Variants in TEX36 observed in about 807,000 individuals in gnomAD.
The protein encoded by TEX36 is testis expressed 36, also known as testis-expressed protein 36.
A neutral mutation model predicts 13.6 loss-of-function variants in TEX36; 12 were observed. The observed-to-expected ratio is 0.88, with a 90% CI of 0.56 to 1.43. TEX36 has a LOEUF of 1.43. TEX36 is among the 40% of genes most tolerant of loss of function. The probability of loss-of-function intolerance (pLI) is 0.00; values close to 1 mark genes in which losing one functional copy is unlikely to be tolerated. For missense variants in TEX36, 224 were observed against 228.3 expected, an observed-to-expected ratio of 0.98 and a Z score of 0.12; for synonymous variants, 93 against 83.0, an observed-to-expected ratio of 1.12 and a Z score of -0.65.
intron 3 of TEX36, among the ~76,000 whole-genome samples, chr10:125,579,634 G>A (rs1845862214): frequency 6.6e-6 from 1 of 152,208 alleles, no homozygotes; most frequent in South Asian, 2.1e-4. Flanking sequence ...TGTTCGAGGA[G>A]GGTCATGATG....
intron 3 of TEX36, among the ~76,000 whole-genome samples, chr10:125,580,388 A>G (rs1277204255): frequency 6.6e-6 from 1 of 152,214 alleles, no homozygotes; most frequent in Non-Finnish European, 1.5e-5. Context: ...CTCCAACTTT[A>G]TTCATGCCTG....
chr10:125,639,516 G>A (rs1317042350), intron 3 of TEX36, among the ~76,000 whole-genome samples: 1 of 148,428 alleles, frequency 6.7e-6, no homozygotes, highest in Non-Finnish European at 1.5e-5. Context: ...AATACATAAG[G>A]TCTTTGGGCA....
At chr10:125,617,188 G>A (rs1429666206), downstream of TEX36, among the ~76,000 whole-genome samples, 30 of 149,498 alleles carry the variant, frequency 2.0e-4, no homozygotes, top group East Asian at 2.5e-3. Flanking sequence ...GTCTCTGCAC[G>A]TGAGATGGGT....
chr10:125,580,944 G>C (rs1845874735), intron 3 of TEX36, among the ~76,000 whole-genome samples: 1 of 152,282 alleles, frequency 6.6e-6, no homozygotes, highest in South Asian at 2.1e-4. Context: ...GCCTGAGATG[G>C]AGCAACCTGA....
chr10:125,644,667 T>C (rs1846740599), intron 3 of TEX36, among the ~76,000 whole-genome samples: 1 of 152,252 alleles, frequency 6.6e-6, no homozygotes, highest in South Asian at 2.1e-4. Flanking sequence ...TGACCTTCAA[T>C]GAATCTCACT....
chr10:125,593,478 G>A (rs896246572), intron 3 of TEX36, among the ~76,000 whole-genome samples: 4 of 152,032 alleles, frequency 2.6e-5, no homozygotes, highest in African/African-American at 9.7e-5. Context: ...GTCCCATTAG[G>A]GTAATAAAGT....
At chr10:125,667,618 C>G in intron 1 of TEX36, 2 of 722,852 alleles carry the variant, frequency 2.8e-6, no homozygotes, top group South Asian at 3.0e-5. Flanking sequence ...AGACCACGCC[C>G]TTGTCTACCT....
intron 3 of TEX36, among the ~76,000 whole-genome samples, chr10:125,624,328 G>A (rs297253): frequency 0.052 from 7,957 of 152,232 alleles, 290 homozygotes; most frequent in South Asian, 0.17. Flanking sequence ...GGGCAGGTGC[G>A]GCTCCACACA....
At chr10:125,605,333 C>T (rs1200038622) in intron 3 of TEX36, among the ~76,000 whole-genome samples, 1 of 152,092 alleles carries the variant, frequency 6.6e-6, no homozygotes, top group Admixed American at 6.5e-5. Context: ...CCACACGCAG[C>T]ATAGTGCAGC....
At chr10:125,633,327 A>G (rs749618628) in intron 3 of TEX36, among the ~76,000 whole-genome samples, 1 of 152,144 alleles carries the variant, frequency 6.6e-6, no homozygotes, top group Non-Finnish European at 1.5e-5. Flanking sequence ...AAGCTAAGAA[A>G]CCCAGTCTGC....
At chr10:125,583,392 C>T (rs988598255) in intron 3 of TEX36, among the ~76,000 whole-genome samples, 4 of 151,470 alleles carry the variant, frequency 2.6e-5, no homozygotes, top group Non-Finnish European at 4.4e-5. Context: ...GATGGTGCCT[C>T]TTGCTGTGTC....
At chr10:125,613,621 T>C (rs1384491356) in intron 3 of TEX36, among the ~76,000 whole-genome samples, 1 of 152,030 alleles carries the variant, frequency 6.6e-6, no homozygotes, top group Non-Finnish European at 1.5e-5. Context: ...CATCACTTTT[T>C]ATGGCTGCAT....
chr10:125,671,020 C>A (rs1241278139), intron 1 of TEX36, among the ~76,000 whole-genome samples: 1 of 151,806 alleles, frequency 6.6e-6, no homozygotes. Flanking sequence ...TAGCATGATG[C>A]CTCCAGTTTT....
Position 125,623,579 on chromosome 10 carries a change from G to GAA in TEX36, c.265-1936_265-1935dup, listed in dbSNP as rs531089481. 1.4e-3 allele frequency among the ~76,000 whole-genome samples: 134 copies of GAA among 94,158 alleles called. 1 individual carries two copies. Among genetic ancestry groups the GAA allele is most frequent in the East Asian group, 9.1e-3 (32 of 3,506 alleles). 61.8% of individuals were successfully genotyped at this position (94,158 alleles called of 152,430 possible). A position where few individuals can be genotyped will look rare whatever the true frequency, so the allele number is the denominator to read the frequency against. On this transcript the variant is annotated intron_variant, in intron 3 of 3. Coordinates refer to the TEX36 transcript ENST00000526819. ...CCCCAGGATTGACTGGTTTCCAAAT[G>GAA]AAAAAAAAAAAAAAAAAGTCTCCTG...
At chr10:125,606,366 C>T (rs1846215890) in intron 3 of TEX36, among the ~76,000 whole-genome samples, 1 of 152,190 alleles carries the variant, frequency 6.6e-6, no homozygotes, top group African/African-American at 2.4e-5. Context: ...ATATCTTTGA[C>T]CTATCCAGTG....
chr10:125,640,641 G>A (rs974765281), intron 3 of TEX36, among the ~76,000 whole-genome samples: 1 of 152,146 alleles, frequency 6.6e-6, no homozygotes, highest in African/African-American at 2.4e-5. Context: ...CATGGCACCA[G>A]GATTAGCGCA....
downstream of TEX36, among the ~76,000 whole-genome samples, chr10:125,653,038 G>C (rs1260019992): frequency 6.6e-6 from 1 of 152,182 alleles, no homozygotes; most frequent in Non-Finnish European, 1.5e-5. Context: ...CACTGTTGGT[G>C]GGACTGTAAA....
At chr10:125,644,198 G>A (rs972475796) in intron 3 of TEX36, among the ~76,000 whole-genome samples, 10 of 152,166 alleles carry the variant, frequency 6.6e-5, no homozygotes, top group African/African-American at 2.4e-4. Flanking sequence ...ATAACAGAAT[G>A]GATCATTGAA....
intron 3 of TEX36, among the ~76,000 whole-genome samples, chr10:125,616,530 A>G (rs1185062077): frequency 2.9e-5 from 3 of 103,090 alleles, no homozygotes; most frequent in Non-Finnish European, 3.9e-5. Flanking sequence ...TTCTGCCTTC[A>G]TTTCGTTATG....
Sources: allele counts gnomAD v4.1 joint callset (sites outside exome capture counted in the v4.1 genomes callset), GRCh38; gene constraint gnomAD v4.1.1; transcripts MANE v1.5; gene names NCBI Gene and HGNC (gene_info 2026-07-23, HGNC 2026-07-21).